Variants in CNTN5 observed in about 807,000 individuals in gnomAD.
CNTN5 encodes contactin 5.
CNTN5 carries 77 observed loss-of-function variants against 129.1 expected under a neutral mutation model. The ratio of observed to expected loss-of-function variants is 0.60; its 90% CI spans 0.50 to 0.72. The LOEUF (loss-of-function observed/expected upper bound fraction) is 0.72, where lower values mean the gene tolerates loss of function less well. Among genes scored for constraint, CNTN5 ranks in the 30% least tolerant of loss-of-function variants. The pLI, the probability that CNTN5 is intolerant of heterozygous loss-of-function variation, is 0.00. For synonymous variants in CNTN5, 509 were observed against 465.6 expected, an observed-to-expected ratio of 1.09 and a Z score of -1.20; for missense variants, 1,478 against 1,328.8, an observed-to-expected ratio of 1.11 and a Z score of -1.75.
At chr11:100,120,596 G>A (rs1271382392) in intron 13 of CNTN5, among the ~76,000 whole-genome samples, 1 of 151,614 alleles carries the variant, frequency 6.6e-6, no homozygotes, top group Non-Finnish European at 1.5e-5. Context: ...TAGATTTGGG[G>A]GAAGAAAAAA....
At chr11:99,306,902 C>T (rs1012562227) in intron 1 of CNTN5, among the ~76,000 whole-genome samples, 3 of 151,996 alleles carry the variant, frequency 2.0e-5, no homozygotes, top group Non-Finnish European at 2.9e-5. Flanking sequence ...AAGTCATAAA[C>T]TCTCTTTTCT....
rs781672395 is a variant in CNTN5, at chr11:100,350,808, G to A, written c.3137G>A (p.Arg1046Gln). The A allele has an allele frequency of 5.0e-6, 8 of 1,606,708 alleles. No homozygotes were observed. Among genetic ancestry groups the A allele is most frequent in the East Asian group, 4.5e-5 (2 of 44,688 alleles). Reference protein sequence around the residue: ...PDAGVYIIEVRAYSEGGDGTA... With the variant: ...PDAGVYIIEVQAYSEGGDGTA... Reference sequence around the variant, plus strand: ...GCTGGAGTCTATATTATTGAAGTTCGAGCATATAGTGAAGGAGGAGATGGA... The same window carrying A: ...GCTGGAGTCTATATTATTGAAGTTCAAGCATATAGTGAAGGAGGAGATGGA... The change falls in exon 24 of 25, where the codon CGA (arginine) becomes CAA (glutamine). Residue 1046 changes from arginine to glutamine, a missense_variant. Coordinates refer to ENST00000524871, the MANE Select transcript of CNTN5 (RefSeq NM_014361.4).
intron 1 of CNTN5, among the ~76,000 whole-genome samples, chr11:99,275,651 A>T (rs1357357346): frequency 6.6e-6 from 1 of 151,674 alleles, no homozygotes; most frequent in African/African-American, 2.4e-5. Context: ...GTCTTGGCAG[A>T]GCTCTCTCAC....
intron 3 of CNTN5, among the ~76,000 whole-genome samples, chr11:99,697,574 C>A (rs529420177): frequency 4.0e-5 from 6 of 151,056 alleles, no homozygotes; most frequent in East Asian, 3.9e-4. Flanking sequence ...CTGTCACAGA[C>A]AAGAGGATCC....
chr11:99,924,526 T>A (rs1406329211), intron 7 of CNTN5, among the ~76,000 whole-genome samples: 1 of 151,854 alleles, frequency 6.6e-6, no homozygotes, highest in Non-Finnish European at 1.5e-5. Flanking sequence ...TTTTTGTCAT[T>A]TTTTTTGAAG....
At chr11:99,524,314 A>G (rs1405661489) in intron 2 of CNTN5, among the ~76,000 whole-genome samples, 1 of 152,142 alleles carries the variant, frequency 6.6e-6, no homozygotes, top group African/African-American at 2.4e-5. Flanking sequence ...TAAAATGATC[A>G]TTTTAATTTA....
intron 9 of CNTN5, among the ~76,000 whole-genome samples, chr11:100,013,127 C>T (rs1940621964): frequency 6.6e-6 from 1 of 152,010 alleles, no homozygotes. Context: ...CAAATGGGAG[C>T]CAAATAATGT....
intron 9 of CNTN5, among the ~76,000 whole-genome samples, chr11:100,008,518 A>G (rs1179642801): frequency 1.3e-5 from 2 of 152,114 alleles, no homozygotes; most frequent in Admixed American, 6.6e-5. Context: ...AAAGCCAACT[A>G]TGTTCTAGGG....
At chr11:99,915,587 C>G (rs950663110) in intron 6 of CNTN5, among the ~76,000 whole-genome samples, 1 of 152,074 alleles carries the variant, frequency 6.6e-6, no homozygotes, top group Non-Finnish European at 1.5e-5. Context: ...TTAGAGCATA[C>G]AAGCCTCTCT....
intron 3 of CNTN5, among the ~76,000 whole-genome samples, chr11:99,713,978 G>A (rs1955112860): frequency 6.6e-6 from 1 of 151,840 alleles, no homozygotes; most frequent in African/African-American, 2.4e-5. Context: ...ACCATGCATG[G>A]CATTGAAATT....
At chr11:99,616,238 A>G (rs1427742034) in intron 3 of CNTN5, among the ~76,000 whole-genome samples, 1 of 152,162 alleles carries the variant, frequency 6.6e-6, no homozygotes, top group East Asian at 1.9e-4. Flanking sequence ...TGCCATTCCG[A>G]TGTGGCAGTC....
intron 1 of CNTN5, among the ~76,000 whole-genome samples, chr11:99,112,060 C>T (rs904744216): frequency 9.9e-5 from 15 of 151,928 alleles, no homozygotes; most frequent in Non-Finnish European, 1.8e-4. Context: ...TAGTACAGTA[C>T]CTGATAATTA....
At chr11:99,342,922 A>G (rs897431211) in intron 2 of CNTN5, among the ~76,000 whole-genome samples, 9 of 152,150 alleles carry the variant, frequency 5.9e-5, no homozygotes, top group Non-Finnish European at 1.3e-4. Flanking sequence ...AACTTCAATG[A>G]TGGTCATTTG....
chr11:100,044,708 C>T (rs1942574039), intron 9 of CNTN5, among the ~76,000 whole-genome samples: 1 of 151,712 alleles, frequency 6.6e-6, no homozygotes, highest in South Asian at 2.1e-4. Context: ...TACTTAAGTT[C>T]ATTGTATATT....
intron 3 of CNTN5, among the ~76,000 whole-genome samples, chr11:99,669,441 G>GGTGTGTGT (rs767426378): frequency 7.9e-4 from 84 of 106,012 alleles, no homozygotes; most frequent in African/African-American, 2.6e-3. Context: ...TATTAAATAT[G>GGTGTGTGT]GTGTGTGTGT....
At chr11:99,896,376 CTG>C (rs1360677356) in intron 6 of CNTN5, among the ~76,000 whole-genome samples, 3 of 152,178 alleles carry the variant, frequency 2.0e-5, no homozygotes, top group Non-Finnish European at 4.4e-5. Context: ...ACAGCTGCTG[CTG>C]TCTCTGCACA....
At chr11:99,974,174 C>T (rs1937773244) in intron 8 of CNTN5, among the ~76,000 whole-genome samples, 2 of 152,158 alleles carry the variant, frequency 1.3e-5, no homozygotes. Context: ...GTCATCACAG[C>T]AAAACAGCAT....
intron 6 of CNTN5, among the ~76,000 whole-genome samples, chr11:99,862,944 G>A (rs1387418758): frequency 6.6e-5 from 10 of 152,046 alleles, no homozygotes; most frequent in Admixed American, 5.9e-4. Flanking sequence ...GTATATATAT[G>A]TGTGTGTTTG....
At chr11:100,000,343 G>A (rs1939779018) in intron 8 of CNTN5, among the ~76,000 whole-genome samples, 1 of 152,104 alleles carries the variant, frequency 6.6e-6, no homozygotes, top group Admixed American at 6.5e-5. Context: ...AGAGGCCACA[G>A]GCCACATGCA....
Sources: gnomAD v4.1 joint callset for allele counts (sites outside exome capture counted in the v4.1 genomes callset) on GRCh38, gnomAD v4.1.1 for gene constraint, MANE v1.5 for transcripts, NCBI Gene and HGNC (gene_info 2026-07-23, HGNC 2026-07-21) for gene names.